Variants in MED12L observed in about 807,000 individuals in gnomAD.
MED12L encodes mediator of RNA polymerase II transcription subunit 12-like protein.
Under a neutral mutation model 281.3 loss-of-function variants are expected in MED12L, and 60 were observed. The ratio of observed to expected loss-of-function variants is 0.21; its 90% CI spans 0.17 to 0.26. The LOEUF is 0.26. MED12L is among the 10% of genes least tolerant of loss of function. MED12L has a pLI of 1.00. For synonymous variants in MED12L, 974 were observed against 987.2 expected, an observed-to-expected ratio of 0.99 and a Z score of 0.25; for missense variants, 2,146 against 2,680.9, an observed-to-expected ratio of 0.80 and a Z score of 4.41.
At chr3:151,338,656 T>A in intron 16 of MED12L, 1 of 1,613,806 alleles carries the variant, frequency 6.2e-7, no homozygotes, top group Non-Finnish European at 8.5e-7. Context: ...ACTGTGTTCT[T>A]AAGAAAAATA....
intron 13 of MED12L, among the ~76,000 whole-genome samples, chr3:151,189,719 G>C (rs1051154322): frequency 6.6e-6 from 1 of 152,186 alleles, no homozygotes; most frequent in African/African-American, 2.4e-5. Flanking sequence ...TCTCCTATTG[G>C]TGTTTGTGAA....
At chr3:151,403,577 G>T (rs767305028) in intron 39 of MED12L, among the ~76,000 whole-genome samples, 1 of 152,088 alleles carries the variant, frequency 6.6e-6, no homozygotes, top group Non-Finnish European at 1.5e-5. Context: ...GTGCATGCAT[G>T]TCATAAGACT....
intron 26 of MED12L, among the ~76,000 whole-genome samples, chr3:151,371,706 T>C (rs921663297): frequency 1.3e-5 from 2 of 152,198 alleles, no homozygotes; most frequent in Non-Finnish European, 2.9e-5. Flanking sequence ...AATTTTCTTG[T>C]CAAGGCCTAT....
chr3:151,351,992 G>A (rs1753292186), intron 17 of MED12L, among the ~76,000 whole-genome samples: 1 of 152,142 alleles, frequency 6.6e-6, no homozygotes, highest in Non-Finnish European at 1.5e-5. Context: ...TTCCTTATAC[G>A]AAGTGCTTGG....
At chr3:151,214,053 C>T in intron 16 of MED12L, 1 of 1,614,168 alleles carries the variant, frequency 6.2e-7, no homozygotes. Flanking sequence ...ACACGTTCAG[C>T]TGCCAGGGAC....
At chr3:151,206,640 A>ATTTTTTTTTTTT (rs1216609130) in intron 16 of MED12L, among the ~76,000 whole-genome samples, 2 of 16,014 alleles carry the variant, frequency 1.2e-4, no homozygotes, top group African/African-American at 2.6e-4. Context: ...CTAACACATT[A>ATTTTTTTTTTTT]TCTTTTTTTT....
intron 6 of MED12L, among the ~76,000 whole-genome samples, chr3:151,157,531 ATTTT>A (rs1343606918): frequency 1.3e-5 from 2 of 152,114 alleles, no homozygotes; most frequent in African/African-American, 4.8e-5. Context: ...TTTTAAAAAA[ATTTT>A]AATTAATTTT....
intron 21 of MED12L, among the ~76,000 whole-genome samples, chr3:151,363,868 A>G (rs1006193091): frequency 2.0e-5 from 3 of 152,168 alleles, no homozygotes; most frequent in African/African-American, 7.2e-5. Context: ...TTTGGTAAAC[A>G]TTGAACTGAA....
chr3:151,391,301 G>A (rs1479203723), intron 38 of MED12L, among the ~76,000 whole-genome samples: 1 of 152,116 alleles, frequency 6.6e-6, no homozygotes, highest in Non-Finnish European at 1.5e-5. Flanking sequence ...CTAGCTCAGG[G>A]CATTTGTGCT....
chr3:151,264,282 G>T (rs1224564709), intron 16 of MED12L, among the ~76,000 whole-genome samples: 1 of 152,150 alleles, frequency 6.6e-6, no homozygotes, highest in Non-Finnish European at 1.5e-5. Flanking sequence ...GCACTTGTTT[G>T]CTGTGACATC....
intron 37 of MED12L, among the ~76,000 whole-genome samples, chr3:151,388,493 TTC>T (rs1206957146): frequency 6.6e-6 from 1 of 152,226 alleles, no homozygotes; most frequent in Non-Finnish European, 1.5e-5. Flanking sequence ...TACAATCCCA[TTC>T]TCTCACATAT....
chr3:151,407,813 GTAGA>G (rs1404264537), intron 39 of MED12L, among the ~76,000 whole-genome samples: 10 of 152,138 alleles, frequency 6.6e-5, no homozygotes, highest in African/African-American at 1.9e-4. Flanking sequence ...TCATTCATGT[GTAGA>G]TAGATAGTCA....
chr3:151,154,655 T>C (rs1014712434), intron 5 of MED12L, among the ~76,000 whole-genome samples: 4 of 152,196 alleles, frequency 2.6e-5, no homozygotes, highest in Non-Finnish European at 5.9e-5. Flanking sequence ...ATAGCAAGGG[T>C]TGGCATACAA....
At chr3:151,338,921 C>G in intron 16 of MED12L, 1 of 1,463,288 alleles carries the variant, frequency 6.8e-7, no homozygotes, top group Non-Finnish European at 9.5e-7. Flanking sequence ...GCTGTTATCT[C>G]TGTGTGTAAC....
intron 16 of MED12L, among the ~76,000 whole-genome samples, chr3:151,319,982 A>C (rs35144003): frequency 0.27 from 41,098 of 152,088 alleles, 5,891 homozygotes; most frequent in Non-Finnish European, 0.31. Flanking sequence ...AGCCTTTCTC[A>C]GTCCTGAAAT....
chr3:151,411,171 AT>A, intron 40 of MED12L, 106 bp from the exon 41 acceptor site: 1 of 863,706 alleles, frequency 1.2e-6, no homozygotes, highest in Admixed American at 2.2e-5. Context: ...AAAACAGTGA[AT>A]TTCAGGGGAG....
intron 16 of MED12L, among the ~76,000 whole-genome samples, chr3:151,335,150 G>T: frequency 6.6e-6 from 1 of 151,970 alleles, no homozygotes; most frequent in East Asian, 1.9e-4. Context: ...CACTCTTTGA[G>T]TTACTTTGAA....
In MED12L at chr3:151,141,194, T is replaced by TG. The variant is rs1237065882; in HGVS notation, c.556+13210_556+13211insG. Among the ~76,000 whole-genome samples the TG allele has an allele frequency of 8.3e-5, 12 of 145,162 alleles. 1 individual carries two copies. Among genetic ancestry groups the TG allele is most frequent in the East Asian group, 4.0e-4 (2 of 4,942 alleles). On this transcript the variant is annotated intron_variant, in intron 5 of 44. Coordinates refer to ENST00000687756, the MANE Select transcript of MED12L (RefSeq NM_001393769.1). Reference sequence around the variant, plus strand: ...TTTTTTTTTGTTTTTTTTGTTTTTTTTTTTTTGTTAGTAGAGACGGGGTTT... The same window carrying TG: ...TTTTTTTTTGTTTTTTTTGTTTTTTTGTTTTTTGTTAGTAGAGACGGGGTTT...
At chr3:151,390,163 C>T in intron 38 of MED12L, 28 bp downstream of exon 38, 1 of 1,609,354 alleles carries the variant, frequency 6.2e-7, no homozygotes, top group Non-Finnish European at 8.5e-7. Flanking sequence ...ACAGATCACT[C>T]AGAGATGAGA....
Sources: allele counts gnomAD v4.1 joint callset (sites outside exome capture counted in the v4.1 genomes callset), GRCh38; gene constraint gnomAD v4.1.1; transcripts MANE v1.5; gene names NCBI Gene and HGNC (gene_info 2026-07-23, HGNC 2026-07-21).